The following NOTCH1 variants were observed in gnomAD, a reference collection of about 807,000 sequenced individuals.
NOTCH1 encodes the protein notch receptor 1.
In NOTCH1, 37 loss-of-function variants were observed where a neutral mutation model predicts 254.8. The observed-to-expected ratio is 0.15, with a 90% CI of 0.11 to 0.19. The LOEUF (loss-of-function observed/expected upper bound fraction) is 0.19. Ranked by LOEUF, NOTCH1 falls within the 10% of genes least tolerant of loss-of-function variation. NOTCH1 has a pLI of 1.00. For synonymous variants in NOTCH1, 1,731 were observed against 1,618.1 expected, an observed-to-expected ratio of 1.07 and a Z score of -1.68; for missense variants, 2,972 against 3,708.6, an observed-to-expected ratio of 0.80 and a Z score of 5.16.
intron 2 of NOTCH1, among the ~76,000 whole-genome samples, chr9:136,526,242 C>A (rs1019916808): frequency 6.6e-6 from 1 of 152,264 alleles, no homozygotes; most frequent in South Asian, 2.1e-4. Flanking sequence ...ACAGGCTGGG[C>A]TGGGCTGGGC....
At chr9:136,524,639 C>CTTTTTTTTTTTTTTT (rs869128901) in intron 2 of NOTCH1, among the ~76,000 whole-genome samples, 40 of 54,400 alleles carry the variant, frequency 7.4e-4, no homozygotes, top group Non-Finnish European at 9.7e-4. Flanking sequence ...TTTTTCTTTT[C>CTTTTTTTTTTTTTTT]TTTTTTTTTT....
intron 4 of NOTCH1, 80 bp from the exon 5 acceptor site, chr9:136,519,645 G>T (rs770824142): frequency 6.2e-7 from 1 of 1,605,658 alleles, no homozygotes; most frequent in Non-Finnish European, 8.5e-7. Flanking sequence ...CACTGCTCTG[G>T]ACACAAGAGC....
In NOTCH1 at chr9:136,505,647, G is replaced by T. The variant is rs1481418937; in HGVS notation, c.4249C>A (p.Pro1417Thr). 1 of 1,612,188 alleles carries T rather than the reference G, an allele frequency of 6.2e-7. No individual in the cohort carries two copies. Among genetic ancestry groups the T allele is most frequent in the Non-Finnish European group, 8.5e-7 (1 of 1,179,584 alleles). Reference sequence around the variant, plus strand: ...CACAAGAGCCCGTTGAATTTGGCGGGGCACAGGCAACGGTAGAAGGGGCTC... The same window carrying T: ...CACAAGAGCCCGTTGAATTTGGCGGTGCACAGGCAACGGTAGAAGGGGCTC... ...SESPFYRCLC[P>T]AKFNGLLCHI... Residue 1417 changes from proline (P) to threonine (T), a missense_variant, in exon 25 of 34, where the codon CCC becomes ACC. Transcript: ENST00000651671.
At chr9:136,504,553 T>G in intron 26 of NOTCH1, 120 bp downstream of exon 26, 1 of 1,133,056 alleles carries the variant, frequency 8.8e-7, no homozygotes, top group Non-Finnish European at 1.2e-6. Context: ...CTCCGTCTCT[T>G]TTACCATAAA....
At chr9:136,543,226 C>G in intron 2 of NOTCH1, 1 of 178,626 alleles carries the variant, frequency 5.6e-6, no homozygotes, top group Non-Finnish European at 1.2e-5. Context: ...GAGGCATCAC[C>G]CACCCGGAGG....
intron 27 of NOTCH1, 182 bp downstream of exon 27, chr9:136,503,000 G>A (rs1423190822): frequency 4.5e-6 from 4 of 883,348 alleles, no homozygotes; most frequent in South Asian, 1.4e-5. Context: ...ACCGGCAGCT[G>A]TGACCGCCGC....
chr9:136,508,186 G>T (rs1843119813), intron 20 of NOTCH1, 46 bp downstream of exon 20: 2 of 1,608,930 alleles, frequency 1.2e-6, no homozygotes, highest in Middle Eastern at 3.3e-4. Context: ...GCCCACAGAG[G>T]ACCTTGATGG....
At chr9:136,518,870 G>A (rs766517595) in intron 5 of NOTCH1, 46 bp from the exon 6 acceptor site, 3 of 1,556,158 alleles carry the variant, frequency 1.9e-6, no homozygotes, top group Non-Finnish European at 2.7e-6. Flanking sequence ...GCCACTCCCT[G>A]AGCTCCCTGT....
chr9:136,509,836 T>G lies in NOTCH1; in HGVS notation c.2866A>C (p.Asn956His), dbSNP rs753419325. 1.2e-6 allele frequency: 2 copies of G among 1,613,192 alleles called. No homozygotes were observed. Among genetic ancestry groups the G allele is most frequent in the African/African-American group, 1.3e-5 (1 of 75,072 alleles). Reference protein sequence around the residue: ...INECASDPCRNGANCTDCVDS... With the variant: ...INECASDPCRHGANCTDCVDS... ...ACGCAGTCCGTGCAGTTGGCCCCGT[T>G]GCGGCAGGGGTCACTGGCACACTCG... Residue 956 changes from asparagine (N) to histidine (H), a missense_variant, in exon 18 of 34, where the codon AAC becomes CAC. Around this residue, in one of 8 missense-constraint regions of NOTCH1, gnomAD observed 1,343 missense variants for 1,557.0 expected, o/e 0.86. Coordinates refer to ENST00000651671, the MANE Select transcript of NOTCH1 (RefSeq NM_017617.5).
At position 136,540,652 on chromosome 9, in the gene NOTCH1, T is replaced by C. The variant is rs369438978; in HGVS notation, c.140+3372A>G. 5.3e-5 allele frequency among the ~76,000 whole-genome samples: 8 copies of C among 151,354 alleles called. No homozygotes were observed. In the South Asian group the frequency reaches 1.2e-3, roughly 24 times the overall value. ...CTGACATGCTGGGGAAACTGAGGCT[T>C]GCATGACCTGATGACCCAAGGTCAC... On this transcript the variant is annotated intron_variant, in intron 2 of 33. Transcript: ENST00000651671. This position sits in a 1 kb window ranked among gnomAD's most constrained non-coding sequence, Gnocchi z 4.4.
rs1843215687 is a variant in NOTCH1 at position 136,513,486 on chromosome 9, G to C, written c.2259C>G (p.Asn753Lys). The C allele has an allele frequency of 1.9e-6, 3 of 1,613,116 alleles. No individual in the cohort carries two copies. The highest frequency in any genetic ancestry group is 1.7e-5 in the Admixed American group (1 of 60,006). Residue 753 changes from asparagine to lysine, a missense_variant, in exon 14 of 34, where the codon AAC (asparagine) becomes AAG (lysine). Physicochemically the swap from Asn to Lys is moderately conservative, Grantham distance 94. Transcript: ENST00000651671. The surrounding 1 kb of genome is among the most constrained non-coding windows in gnomAD (Gnocchi z 4.7). ...AAGGGTTGGATTCACACTCATTGTT[G>C]TTGATGTCACAGTTGGTCCCACTCC... ...PGWSGTNCDI[N>K]NNECESNPCV... is the part of the protein sequence containing the mutation.
intron 2 of NOTCH1, among the ~76,000 whole-genome samples, chr9:136,541,715 G>A (rs1394682614): frequency 6.6e-6 from 1 of 152,220 alleles, no homozygotes; most frequent in Non-Finnish European, 1.5e-5. Context: ...GGCCTTCTCC[G>A]AAGCGGCTGC....
intron 15 of NOTCH1, among the ~76,000 whole-genome samples, chr9:136,512,094 A>G (rs1589063631): frequency 6.6e-6 from 1 of 152,228 alleles, no homozygotes; most frequent in East Asian, 1.9e-4. Context: ...TGCGAAAGGA[A>G]GCAGGAAGCG....
chr9:136,504,525 C>T, intron 26 of NOTCH1, 148 bp downstream of exon 26: 3 of 894,836 alleles, frequency 3.4e-6, no homozygotes, highest in Non-Finnish European at 4.9e-6. Context: ...GCCCTGAAGT[C>T]CCAGGTCCTC....
chr9:136,497,654 C>T (rs1842939466), intron 33 of NOTCH1, 96 bp from the exon 34 acceptor site: 3 of 1,084,506 alleles, frequency 2.8e-6, no homozygotes, highest in Non-Finnish European at 3.9e-6. Flanking sequence ...AGTACAACCT[C>T]CTCCGCGGGG....
chr9:136,516,067 T>C lies in NOTCH1; in HGVS notation c.1583A>G (p.Asp528Gly), dbSNP rs1351839879. Residue 528 changes from aspartate to glycine, a missense_variant, in exon 10 of 34, where the codon GAT becomes GGT. This residue lies in a region of NOTCH1 where 128 missense variants were observed against 193.8 expected (regional missense o/e 0.66). Coordinates refer to ENST00000651671, the MANE Select transcript of NOTCH1 (RefSeq NM_017617.5). ...TGFTGHLCQY[D>G]VDECASTPCK... ...GGGGGTGCTGGCACACTCGTCCACA[T>C]CGTACTGGCACAGATGCCCAGTGAA... is the stretch of plus-strand genomic sequence containing the variant. The C allele has an allele frequency of 6.2e-7, 1 of 1,611,910 alleles. No homozygotes were observed. The highest frequency in any genetic ancestry group is 1.7e-5 in the Admixed American group (1 of 60,008).
At chr9:136,511,112 C>T in intron 16 of NOTCH1, 40 bp downstream of exon 16, 1 of 1,612,774 alleles carries the variant, frequency 6.2e-7, no homozygotes, top group Non-Finnish European at 8.5e-7. Flanking sequence ...GACATCCTGA[C>T]CTCCCATCCC....
intron 2 of NOTCH1, among the ~76,000 whole-genome samples, chr9:136,535,333 C>A (rs181655270): frequency 6.6e-6 from 1 of 152,088 alleles, no homozygotes; most frequent in Non-Finnish European, 1.5e-5. Context: ...CCTGTTTAAC[C>A]GTGCGGGCTC....
In NOTCH1 at chr9:136,506,688, G is replaced by C. The variant is rs376406223; in HGVS notation, c.3901+28C>G. 321 of 1,595,620 alleles carry C rather than the reference G, an allele frequency of 2.0e-4. No homozygotes were observed. The African/African-American group carries it at 3.2e-3, about 16-fold the overall frequency. On this transcript the variant is annotated intron_variant, in intron 23 of 33. Coordinates refer to ENST00000651671, the MANE Select transcript of NOTCH1 (RefSeq NM_017617.5). This position sits in a 1 kb window ranked among gnomAD's most constrained non-coding sequence, Gnocchi z 4.5. Reference sequence around the variant, plus strand: ...AGAGGCTCACCCTGCTGCCCCACACGCCCCACCCGCCTGGGCGCGGCACCC... The same window carrying C: ...AGAGGCTCACCCTGCTGCCCCACACCCCCCACCCGCCTGGGCGCGGCACCC...
Sources: gnomAD v4.1 joint callset for allele counts (sites outside exome capture counted in the v4.1 genomes callset) on GRCh38, gnomAD v4.1.1 for gene constraint, gnomAD v4.1.1 regional missense constraint, Gnocchi (gnomAD v3.1) non-coding constraint, MANE v1.5 for transcripts, NCBI Gene and HGNC (gene_info 2026-07-23, HGNC 2026-07-21) for gene names.